Variants in HEATR4 observed in about 807,000 individuals in gnomAD.
HEATR4 encodes the protein HEAT repeat containing 4.
HEATR4 carries 95 observed loss-of-function variants against 108.8 expected under a neutral mutation model. The ratio of observed to expected loss-of-function variants is 0.87; its 90% CI spans 0.74 to 1.04. The LOEUF (loss-of-function observed/expected upper bound fraction) is 1.04, where lower values mean the gene tolerates loss of function less well. HEATR4 is among the 50% of genes least tolerant of loss of function. The probability of loss-of-function intolerance (pLI) is 0.00; values close to 1 mark genes in which losing one functional copy is unlikely to be tolerated. For synonymous variants in HEATR4, 443 were observed against 459.4 expected, an observed-to-expected ratio of 0.96 and a Z score of 0.46; for missense variants, 1,152 against 1,253.8, an observed-to-expected ratio of 0.92 and a Z score of 1.23.
At chr14:73,578,354 T>TG in the HEATR4 span, among the ~76,000 whole-genome samples, 10 of 149,330 alleles carry the variant, frequency 6.7e-5, no homozygotes, top group African/African-American at 2.5e-4. Context: ...CTCAGCCCCC[T>TG]GGGTAGCTGG....
chr14:73,499,016 T>C (rs1332196732), intron 13 of HEATR4, 55 bp downstream of exon 13: 5 of 1,474,406 alleles, frequency 3.4e-6, no homozygotes, highest in African/African-American at 1.4e-5. Context: ...CATTTCTACT[T>C]GCATAGGCAA....
intron 17 of HEATR4, chr14:73,491,338 G>C: frequency 6.9e-7 from 1 of 1,450,708 alleles, no homozygotes; most frequent in Non-Finnish European, 9.1e-7. Context: ...AGCTGCTGGA[G>C]GCCTCGCCCG....
chr14:73,627,618 C>T, the HEATR4 span, among the ~76,000 whole-genome samples: 1 of 152,174 alleles, frequency 6.6e-6, no homozygotes, highest in Non-Finnish European at 1.5e-5. Context: ...CTTCCATGTC[C>T]TCCCGGGCAT....
In HEATR4 at chr14:73,555,647, A is replaced by G. The variant is rs1053245416; in HGVS notation, c.-152+3104T>C. ...CATCTTGCTTCTAAGGCAGGGGGCAATTTGATCCTAAACAGTTGAAAAATG... is the reference window on the plus strand; with the variant it reads ...CATCTTGCTTCTAAGGCAGGGGGCAGTTTGATCCTAAACAGTTGAAAAATG... On this transcript the variant is annotated intron_variant, in intron 1 of 17. Transcript: ENST00000553558. Among the ~76,000 whole-genome samples the G allele has an allele frequency of 1.7e-5, 2 of 115,294 alleles. 1 individual carries two copies. The highest frequency in any genetic ancestry group is 3.8e-5 in the Non-Finnish European group (2 of 52,370). 75.6% of individuals were successfully genotyped at this position (115,294 alleles called of 152,430 possible).
At chr14:73,617,002 T>G in the HEATR4 span, 1 of 726,400 alleles carries the variant, frequency 1.4e-6, no homozygotes, top group Non-Finnish European at 2.4e-6. Context: ...AGGGGGCCCT[T>G]TCCTGGGATC....
the HEATR4 span, chr14:73,574,414 G>C: frequency 0.061 from 14,455 of 235,278 alleles, 664 homozygotes; most frequent in African/African-American, 0.19. Flanking sequence ...ACAGGCACGT[G>C]CCACTACTGC....
At chr14:73,511,557 AAAT>A (rs576269971) in intron 7 of HEATR4, among the ~76,000 whole-genome samples, 2,028 of 95,132 alleles carry the variant, frequency 0.021, 34 homozygotes, top group African/African-American at 0.038. Context: ...ATAAATAAAT[AAAT>A]AAATAAAATA....
chr14:73,615,984 A>C, the HEATR4 span, among the ~76,000 whole-genome samples: 1 of 152,104 alleles, frequency 6.6e-6, no homozygotes, highest in South Asian at 2.1e-4. Context: ...ACTTGAGCCC[A>C]AGGATTCAAG....
At chr14:73,627,489 T>A in the HEATR4 span, among the ~76,000 whole-genome samples, 1 of 152,186 alleles carries the variant, frequency 6.6e-6, no homozygotes, top group Non-Finnish European at 1.5e-5. Context: ...CTTGTTGGGT[T>A]TGATTTGCTG....
At chr14:73,559,037 C>G (rs976924452), upstream of HEATR4, 2 of 151,960 alleles carry the variant, frequency 1.3e-5, no homozygotes, top group African/African-American at 2.4e-5. Flanking sequence ...GGGGGTATAT[C>G]TTCAACCATT....
chr14:73,605,556 CTTTTTTTTTTTTTT>C, the HEATR4 span, among the ~76,000 whole-genome samples: 2 of 56,882 alleles, frequency 3.5e-5, no homozygotes, highest in Non-Finnish European at 3.7e-5. Context: ...CTGTAAGATT[CTTTTTTTTTTTTTT>C]TTTTTTTTTT....
chr14:73,481,934 G>T (rs1324429565), intron 17 of HEATR4, among the ~76,000 whole-genome samples: 3 of 152,174 alleles, frequency 2.0e-5, no homozygotes, highest in Non-Finnish European at 2.9e-5. Flanking sequence ...GGCAGTTGAG[G>T]CTGCAGTGAG....
the HEATR4 span, chr14:73,619,769 G>A: frequency 6.2e-7 from 1 of 1,610,048 alleles, no homozygotes; most frequent in Non-Finnish European, 8.5e-7. Context: ...GTAGATGCCT[G>A]GCAGCAAATT....
At chr14:73,613,888 T>G in the HEATR4 span, among the ~76,000 whole-genome samples, 1 of 152,042 alleles carries the variant, frequency 6.6e-6, no homozygotes, top group Admixed American at 6.6e-5. Flanking sequence ...GACTTAAACC[T>G]CTACCATATA....
Position 73,547,226 on chromosome 14 carries a change from C to T in HEATR4, c.-152+11525G>A, listed in dbSNP as rs192201542. 2.1e-4 allele frequency among the ~76,000 whole-genome samples: 24 copies of T among 113,546 alleles called. 6 individuals carry two copies. The highest frequency in any genetic ancestry group is 4.4e-4 in the Non-Finnish European group (23 of 51,734). 74.5% of individuals were successfully genotyped at this position (113,546 alleles called of 152,430 possible). On this transcript the variant is annotated intron_variant, in intron 1 of 17. Coordinates refer to ENST00000553558, the MANE Select transcript of HEATR4 (RefSeq NM_001220484.1). ...TAAAACGCCATCTCTACTGAAAATA[C>T]AAGTATTAGCCGGGCGTGGTGCTGG...
At chr14:73,617,637 C>G in the HEATR4 span, among the ~76,000 whole-genome samples, 1 of 152,130 alleles carries the variant, frequency 6.6e-6, no homozygotes, top group Non-Finnish European at 1.5e-5. Flanking sequence ...GGCAGTTACT[C>G]TCTCTGGAGT....
the HEATR4 span, chr14:73,616,819 C>A: frequency 1.9e-6 from 1 of 539,714 alleles, no homozygotes; most frequent in Non-Finnish European, 3.3e-6. Context: ...ATACATTGTA[C>A]CCAATATGTA....
chr14:73,522,009 T>C (rs575337253), intron 3 of HEATR4, among the ~76,000 whole-genome samples: 1 of 152,356 alleles, frequency 6.6e-6, no homozygotes, highest in East Asian at 1.9e-4. Flanking sequence ...GAGTTTGTGC[T>C]CTGGTGGGTA....
At chr14:73,573,450 C>G in the HEATR4 span, 3 of 1,613,688 alleles carry the variant, frequency 1.9e-6, no homozygotes, top group South Asian at 2.2e-5. Context: ...GCTGGAGTAT[C>G]GGGCTAGTCT....
Sources: allele counts gnomAD v4.1 joint callset (sites outside exome capture counted in the v4.1 genomes callset), GRCh38; gene constraint gnomAD v4.1.1; transcripts MANE v1.5; gene names NCBI Gene and HGNC (gene_info 2026-07-23, HGNC 2026-07-21).